Variants in PRKDC observed in about 807,000 individuals in gnomAD.
The protein encoded by PRKDC is DNA-dependent protein kinase catalytic subunit.
A neutral mutation model predicts 486.9 loss-of-function variants in PRKDC; 82 were observed. That is an observed-to-expected ratio of 0.17 (90% CI 0.14 to 0.20). The LOEUF (loss-of-function observed/expected upper bound fraction) is 0.20. PRKDC is among the 10% of genes least tolerant of loss of function. The pLI is 1.00. For synonymous variants in PRKDC, 1,895 were observed against 1,837.0 expected (o/e 1.03, Z -0.81); for missense variants, 4,504 against 5,038.2 (o/e 0.89, Z 3.21).
At chr8:47,943,020 T>C (rs1234046798) in intron 10 of PRKDC, among the ~76,000 whole-genome samples, 189 bp downstream of exon 10, 1 of 152,236 alleles carries the variant, frequency 6.6e-6, no homozygotes, top group Admixed American at 6.5e-5. Context: ...TAATCAAATC[T>C]GGCATCTCCC....
Position 47,826,642 on chromosome 8 carries a change from G to C in PRKDC, c.8783+14C>G. 6.3e-7 allele frequency: 1 copy of C among 1,599,354 alleles called. No homozygotes were observed. Among genetic ancestry groups the C allele is most frequent in the Non-Finnish European group, 8.6e-7 (1 of 1,169,398 alleles). ...ATCCAGTGTGCTCCCAAGAGCACCT[G>C]ACCTCACACTTACTTAGCAAGCTCC... is the stretch of plus-strand genomic sequence containing the variant. On this transcript the variant is annotated intron_variant, in intron 63 of 85. Coordinates refer to ENST00000314191, the MANE Select transcript of PRKDC (RefSeq NM_006904.7).
intron 11 of PRKDC, among the ~76,000 whole-genome samples, chr8:47,937,504 C>T (rs1477834260): frequency 6.6e-6 from 1 of 152,164 alleles, no homozygotes; most frequent in Admixed American, 6.5e-5. Flanking sequence ...ACACACCCTA[C>T]CACACCAGAG....
intron 54 of PRKDC, among the ~76,000 whole-genome samples, chr8:47,845,250 C>A (rs1188734838): frequency 6.6e-6 from 1 of 151,822 alleles, no homozygotes; most frequent in Non-Finnish European, 1.5e-5. Flanking sequence ...ACAAACCAAC[C>A]CTAAAGACAG....
At chr8:47,791,769 C>A (rs2086887921) in intron 74 of PRKDC, among the ~76,000 whole-genome samples, 2 of 152,112 alleles carry the variant, frequency 1.3e-5, no homozygotes, top group Admixed American at 1.3e-4. Flanking sequence ...TAAACTCATA[C>A]AACCACTATG....
intron 73 of PRKDC, 92 bp downstream of exon 73, chr8:47,798,145 T>G: frequency 7.7e-7 from 1 of 1,299,458 alleles, no homozygotes; most frequent in East Asian, 2.4e-5. Flanking sequence ...CTATAATACA[T>G]GCACTGCACA....
chr8:47,885,767 C>T (rs1260454281), intron 36 of PRKDC, among the ~76,000 whole-genome samples, 177 bp downstream of exon 36: 35 of 152,028 alleles, frequency 2.3e-4, no homozygotes, highest in Non-Finnish European at 1.5e-5. Flanking sequence ...TGGCGGGTGC[C>T]TGTAATCCCA....
At chr8:47,900,332 TC>T (rs2089656421) in intron 28 of PRKDC, 40 bp downstream of exon 28, 1 of 1,476,940 alleles carries the variant, frequency 6.8e-7, no homozygotes, top group Non-Finnish European at 9.1e-7. Flanking sequence ...GGGAAACTCT[TC>T]AGACCTGTAA....
At chr8:47,863,266 G>A in intron 42 of PRKDC, 133 bp downstream of exon 42, 2 of 693,774 alleles carry the variant, frequency 2.9e-6, no homozygotes. Context: ...TCACCTAAGT[G>A]GTTTATAAGA....
intron 73 of PRKDC, among the ~76,000 whole-genome samples, chr8:47,794,869 T>A (rs949908455): frequency 2.0e-5 from 3 of 152,206 alleles, no homozygotes; most frequent in Non-Finnish European, 4.4e-5. Flanking sequence ...GCAGTAGACA[T>A]CCCTGTACAC....
intron 16 of PRKDC, among the ~76,000 whole-genome samples, chr8:47,932,123 G>A (rs1011675719): frequency 4.7e-5 from 7 of 148,020 alleles, no homozygotes; most frequent in Admixed American, 6.7e-5. Flanking sequence ...TCGCTCTGTC[G>A]CCCAGGCTGG....
chr8:47,798,420 A>G (rs1238473814), intron 72 of PRKDC, 23 bp from the exon 73 acceptor site: 2 of 1,554,344 alleles, frequency 1.3e-6, no homozygotes, highest in East Asian at 2.3e-5. Flanking sequence ...CCAAAGAAGA[A>G]AGCAATGGTC....
At chr8:47,952,006 ACTGTTG>A (rs1418019616) in intron 7 of PRKDC, among the ~76,000 whole-genome samples, 1 of 152,240 alleles carries the variant, frequency 6.6e-6, no homozygotes, top group Non-Finnish European at 1.5e-5. Flanking sequence ...ACCCTTGTGC[ACTGTTG>A]GTGGGAATGT....
At chr8:47,774,756 T>G (rs2086574238) in intron 85 of PRKDC, among the ~76,000 whole-genome samples, 1 of 151,900 alleles carries the variant, frequency 6.6e-6, no homozygotes, top group Admixed American at 6.6e-5. Context: ...CCTCAACACT[T>G]GTTAGATTCC....
At chr8:47,835,620 CAAAAAAAAAAAAA>C (rs71548446) in intron 58 of PRKDC, among the ~76,000 whole-genome samples, 46 of 20,478 alleles carry the variant, frequency 2.2e-3, no homozygotes, top group Non-Finnish European at 3.5e-3. Flanking sequence ...GACTCTGTCT[CAAAAAAAAAAAAA>C]AAAAAAAAAA....
At chr8:47,792,034 T>G (rs1036752425) in intron 74 of PRKDC, among the ~76,000 whole-genome samples, 6 of 152,102 alleles carry the variant, frequency 3.9e-5, no homozygotes, top group African/African-American at 4.8e-5. Flanking sequence ...TGAGATCCTG[T>G]CACTTGAAAC....
At chr8:47,933,418 C>T (rs8178031) in intron 15 of PRKDC, among the ~76,000 whole-genome samples, 3 of 152,276 alleles carry the variant, frequency 2.0e-5, no homozygotes, top group East Asian at 1.9e-4. Context: ...ACTCTGTATA[C>T]AGCAGTAAGT....
intron 19 of PRKDC, among the ~76,000 whole-genome samples, chr8:47,928,170 T>G (rs941100593): frequency 6.6e-6 from 1 of 151,330 alleles, no homozygotes. Context: ...TTTTTTTTTT[T>G]TTTGTAAGAT....
chr8:47,929,378 G>C (rs940249488), intron 18 of PRKDC, among the ~76,000 whole-genome samples, 200 bp from the exon 19 acceptor site: 46 of 152,358 alleles, frequency 3.0e-4, no homozygotes, highest in African/African-American at 1.1e-3. Context: ...GTGGCAGCTA[G>C]TGAGAAGCCA....
At chr8:47,892,168 C>A (rs780910178) in intron 31 of PRKDC, among the ~76,000 whole-genome samples, 81 of 152,024 alleles carry the variant, frequency 5.3e-4, no homozygotes, top group Admixed American at 8.5e-4. Flanking sequence ...CCGCGTCCGG[C>A]CATGAACAAG....
Sources: gnomAD v4.1 joint callset for allele counts (sites outside exome capture counted in the v4.1 genomes callset) on GRCh38, gnomAD v4.1.1 for gene constraint, MANE v1.5 for transcripts, NCBI Gene and HGNC (gene_info 2026-07-23, HGNC 2026-07-21) for gene names.